CEACAM18: variants seen among roughly 807,000 people sequenced by gnomAD.
The protein encoded by CEACAM18 is CEA cell adhesion molecule 18.
Under a neutral mutation model 34.3 loss-of-function variants are expected in CEACAM18, and 33 were observed. The observed-to-expected ratio is 0.96, with a 90% CI of 0.73 to 1.29. The LOEUF is 1.29. Ranked by LOEUF, CEACAM18 falls within the 50% of genes most tolerant of loss-of-function variation. The pLI, the probability that CEACAM18 is intolerant of heterozygous loss-of-function variation, is 0.00. For synonymous variants in CEACAM18, 169 were observed against 180.9 expected (o/e 0.93, Z 0.53); for missense variants, 474 against 485.0 (o/e 0.98, Z 0.21).
intron 5 of CEACAM18, among the ~76,000 whole-genome samples, chr19:51,485,791 G>A (rs1221808529): frequency 6.6e-6 from 1 of 152,214 alleles, no homozygotes; most frequent in Non-Finnish European, 1.5e-5. Context: ...GGGAAGAGGA[G>A]GTAGTAAGGC....
At chr19:51,483,054 T>C (rs757569656) in exon 4 of CEACAM18, 2 of 1,614,028 alleles carry the variant, frequency 1.2e-6, no homozygotes, top group African/African-American at 1.3e-5. Context: ...GCAATCCTGA[T>C]GATTTCAACG....
intron 5 of CEACAM18, among the ~76,000 whole-genome samples, chr19:51,487,684 T>G (rs1177809065): frequency 6.6e-6 from 1 of 151,066 alleles, no homozygotes. Flanking sequence ...GAGAATCACT[T>G]GAACCTGGGA....
At chr19:51,483,119 C>T in exon 4 of CEACAM18, 1 of 1,614,048 alleles carries the variant, frequency 6.2e-7, no homozygotes, top group Non-Finnish European at 8.5e-7. Context: ...ATCTGCTATT[C>T]CTTCCTGGAT....
intron 1 of CEACAM18, among the ~76,000 whole-genome samples, chr19:51,479,846 A>T (rs1266319387): frequency 1.3e-5 from 2 of 152,212 alleles, no homozygotes; most frequent in Non-Finnish European, 2.9e-5. Context: ...TCTTCTGATA[A>T]ATAACTACAG....
Position 51,488,936 on chromosome 19 carries a change from T to C in CEACAM18, c.1090-1651T>C, listed in dbSNP as rs987660113. Among the ~76,000 whole-genome samples the C allele has an allele frequency of 2.0e-5, 3 of 152,130 alleles. No individual in the cohort carries two copies. The East Asian group carries it at 5.8e-4, about 30-fold the overall frequency. On this transcript the variant is annotated intron_variant, in intron 5 of 5. Coordinates refer to ENST00000396477, the Ensembl canonical transcript of CEACAM18. ...AAACATGTATAAAATATAGGGTGGG[T>C]TGTATTCAGTTTTTTTCCTTCTGAT...
At chr19:51,482,666 T>C (rs1989936024) in intron 3 of CEACAM18, among the ~76,000 whole-genome samples, 1 of 152,190 alleles carries the variant, frequency 6.6e-6, no homozygotes, top group African/African-American at 2.4e-5. Flanking sequence ...ATCTATAAAA[T>C]GGATCAATGG....
At chr19:51,489,123 C>A (rs1335355066) in intron 5 of CEACAM18, among the ~76,000 whole-genome samples, 1 of 148,882 alleles carries the variant, frequency 6.7e-6, no homozygotes, top group East Asian at 2.1e-4. Context: ...GAATGAGGGA[C>A]AAATGAATGA....
At chr19:51,491,063 G>C (rs1000758566), downstream of CEACAM18, 1 of 161,662 alleles carries the variant, frequency 6.2e-6, no homozygotes, top group Non-Finnish European at 1.3e-5. Flanking sequence ...AATGAGAGAA[G>C]AGACCTTAGA....
chr19:51,485,887 C>T (rs1339997251), intron 5 of CEACAM18, among the ~76,000 whole-genome samples: 1 of 152,168 alleles, frequency 6.6e-6, no homozygotes, highest in African/African-American at 2.4e-5. Flanking sequence ...CACCCCAGTT[C>T]AGAAAACCAA....
intron 3 of CEACAM18, 25 bp downstream of exon 3, chr19:51,481,690 T>C: frequency 6.3e-7 from 1 of 1,599,558 alleles, no homozygotes. Context: ...CTCCTGGGAC[T>C]GAAGCCAGGG....
intron 5 of CEACAM18, among the ~76,000 whole-genome samples, chr19:51,489,877 G>T (rs1990062043): frequency 6.6e-6 from 1 of 152,126 alleles, no homozygotes; most frequent in African/African-American, 2.4e-5. Flanking sequence ...AACTGATTGT[G>T]ATAAACTCAA....
intron 1 of CEACAM18, among the ~76,000 whole-genome samples, chr19:51,478,996 A>G (rs1454374412): frequency 6.6e-6 from 1 of 151,180 alleles, no homozygotes; most frequent in Non-Finnish European, 1.5e-5. Flanking sequence ...AGAGAGAGAG[A>G]AACTGTGTTT....
exon 3 of CEACAM18, chr19:51,481,584 T>A (rs749947528): frequency 6.2e-7 from 1 of 1,614,022 alleles, no homozygotes; most frequent in Non-Finnish European, 8.5e-7. Flanking sequence ...GGTCAGCCGC[T>A]ATGACAGAAC....
rs1989941471 is a variant in CEACAM18, at chr19:51,482,962, A to T, written c.674-55A>T. The T allele has an allele frequency of 4.4e-6, 7 of 1,583,998 alleles. No individual in the cohort carries two copies. In the South Asian group the frequency reaches 5.8e-5, roughly 13 times the overall value. On this transcript the variant is annotated intron_variant, in intron 3 of 5. Coordinates refer to ENST00000396477, the Ensembl canonical transcript of CEACAM18. ...CCTGGCTGGGGGAGGACTTCATGAG[A>T]CGGGACGCCGAGGGGTCAGAAACAT...
intron 3 of CEACAM18, 21 bp from the exon 4 acceptor site, chr19:51,482,996 C>T: frequency 6.2e-7 from 1 of 1,608,816 alleles, no homozygotes; most frequent in Non-Finnish European, 8.5e-7. Flanking sequence ...ATAGCCTGGG[C>T]CTCCTACCCT....
intron 3 of CEACAM18, 56 bp downstream of exon 3, chr19:51,481,721 G>C (rs901496353): frequency 6.5e-7 from 1 of 1,549,440 alleles, no homozygotes; most frequent in African/African-American, 1.4e-5. Context: ...GGCTTTCTAG[G>C]GATAGGAATA....
At chr19:51,480,797 G>C in intron 2 of CEACAM18, 117 bp downstream of exon 2, 1 of 953,536 alleles carries the variant, frequency 1.0e-6, no homozygotes, top group Non-Finnish European at 1.6e-6. Flanking sequence ...AGCCGCCCTG[G>C]AATCTTGTGT....
intron 3 of CEACAM18, among the ~76,000 whole-genome samples, chr19:51,482,019 G>A (rs543188432): frequency 6.6e-6 from 1 of 152,304 alleles, no homozygotes; most frequent in Admixed American, 6.5e-5. Context: ...CAAGCCCCTT[G>A]AGCCTTGAAA....
exon 2 of CEACAM18, chr19:51,480,347 T>C (rs545384730): frequency 6.2e-7 from 1 of 1,608,628 alleles, no homozygotes; most frequent in Admixed American, 1.7e-5. Context: ...TCTGCTGGCC[T>C]GTGGGATCTG....
Sources: allele counts gnomAD v4.1 joint callset (sites outside exome capture counted in the v4.1 genomes callset), GRCh38; gene constraint gnomAD v4.1.1; transcripts MANE v1.5; gene names NCBI Gene and HGNC (gene_info 2026-07-23, HGNC 2026-07-21).